The following COL4A4 variants were observed in gnomAD, a reference collection of about 807,000 sequenced individuals.
COL4A4 encodes the protein collagen type IV alpha 4 chain, also known as collagen alpha-4(IV) chain.
Under a neutral mutation model 192.9 loss-of-function variants are expected in COL4A4, and 105 were observed. The observed-to-expected ratio is 0.54, with a 90% confidence interval of 0.46 to 0.64. COL4A4 has a LOEUF of 0.64. COL4A4 is among the 30% of genes least tolerant of loss of function. COL4A4 has a pLI of 0.00. For missense variants in COL4A4, 1,967 were observed against 2,169.3 expected (o/e 0.91, Z 1.85); for synonymous variants, 762 against 769.9 (o/e 0.99, Z 0.17).
intron 25 of COL4A4, among the ~76,000 whole-genome samples, chr2:227,072,032 A>T (rs2058750878): frequency 6.6e-6 from 1 of 152,106 alleles, no homozygotes; most frequent in African/African-American, 2.4e-5. Flanking sequence ...TAGAAGAAGA[A>T]ATAACAAAGA....
intron 45 of COL4A4, among the ~76,000 whole-genome samples, chr2:227,011,341 G>T (rs771466207): frequency 6.6e-6 from 1 of 152,178 alleles, no homozygotes; most frequent in Non-Finnish European, 1.5e-5. Flanking sequence ...ACTGAATCAG[G>T]CCTGCTCGTG....
rs777095266 is a variant in COL4A4 at position 227,010,450 on chromosome 2, T to C, written c.4385A>G (p.Tyr1462Cys). 6.2e-7 allele frequency: 1 copy of C among 1,612,532 alleles called. No individual in the cohort carries two copies. The highest frequency in any genetic ancestry group is 8.5e-7 in the Non-Finnish European group (1 of 1,179,098). The part of the protein sequence containing the change: ...DPGPKGFGPG[Y>C]LGGFLLVLHS... ...GAGAACCAGGAGGAAGCCACCGAGG[T>C]ATCCAGGGCCAAACCCTTTGGGCCC... Residue 1462 changes from tyrosine to cysteine, a missense_variant, in exon 46 of 48, where the codon TAC becomes TGC. By Grantham distance (194) the Tyr-to-Cys change is radical. Transcript: ENST00000396625.
chr2:227,153,043 A>G (rs968062440), intron 1 of COL4A4, among the ~76,000 whole-genome samples: 8 of 152,212 alleles, frequency 5.3e-5, no homozygotes, highest in Non-Finnish European at 1.2e-4. Context: ...GAGCAAAGTT[A>G]TATCTTACAT....
chr2:227,028,082 A>G (rs1220052471), intron 41 of COL4A4, 73 bp from the exon 42 acceptor site: 1 of 1,066,998 alleles, frequency 9.4e-7, no homozygotes, highest in Non-Finnish European at 1.4e-6. Context: ...AGTTTGATAG[A>G]CTGAATTCAG....
Position 227,010,392 on chromosome 2 carries a change from G to C in COL4A4, c.4443C>G (p.Pro1481=), listed in dbSNP as rs759470234. 1 of 1,614,232 alleles carries C rather than the reference G, an allele frequency of 6.2e-7. No homozygotes were observed. Among genetic ancestry groups the C allele is most frequent in the East Asian group, 2.2e-5 (1 of 44,874 alleles). ...CAGTCCAGAGCCTGGGCATGCCCAG[G>C]GGGCAGGTGGGCTCCTGGTCCGTCT... is the stretch of plus-strand genomic sequence containing the variant. ...HSQTDQEPTC[P]LGMPRLWTGY... Residue 1481 remains proline (P), a synonymous_variant, in exon 46 of 48, where the codon CCC becomes CCG. Transcript: ENST00000396625.
rs139638492 is a variant in COL4A4 at position 227,144,859 on chromosome 2, G to A, written c.72-301C>T. Among the ~76,000 whole-genome samples the A allele has an allele frequency of 2.1e-4, 32 of 152,242 alleles. 1 individual carries two copies. Among genetic ancestry groups the A allele is most frequent in the African/African-American group, 7.7e-4 (32 of 41,544 alleles). ...CTGGAGGGACAGATGAGTGAAAGAA[G>A]ATGATTCTCAGAATGAAAACTGCAG... On this transcript the variant is annotated intron_variant, in intron 2 of 47. Transcript: ENST00000396625.
chr2:226,994,246 C>A, the COL4A4 span, among the ~76,000 whole-genome samples: 138 of 152,340 alleles, frequency 9.1e-4, no homozygotes, highest in African/African-American at 3.2e-3. Flanking sequence ...GTGTTCAGAA[C>A]TGTCCCAGAT....
At chr2:227,089,075 A>T (rs1406202961) in intron 21 of COL4A4, among the ~76,000 whole-genome samples, 1 of 152,144 alleles carries the variant, frequency 6.6e-6, no homozygotes, top group African/African-American at 2.4e-5. Context: ...TATCCTGACA[A>T]ATTCTAGGGA....
chr2:227,154,402 G>A (rs779826600), intron 1 of COL4A4, among the ~76,000 whole-genome samples: 9 of 152,178 alleles, frequency 5.9e-5, no homozygotes, highest in Non-Finnish European at 1.3e-4. Context: ...AATGGGGGAG[G>A]AGAAATGTCT....
the COL4A4 span, among the ~76,000 whole-genome samples, chr2:226,971,557 A>G: frequency 4.6e-5 from 7 of 152,354 alleles, no homozygotes; most frequent in Admixed American, 1.3e-4. Context: ...TGAAGCAGCA[A>G]TAGCCACTTT....
At chr2:227,127,039 C>A (rs543259682) in intron 4 of COL4A4, among the ~76,000 whole-genome samples, 1 of 152,302 alleles carries the variant, frequency 6.6e-6, no homozygotes, top group Admixed American at 6.5e-5. Flanking sequence ...AAATATTTCA[C>A]CCAGTCCTAA....
intron 1 of COL4A4, among the ~76,000 whole-genome samples, chr2:227,151,163 T>C (rs1293866751): frequency 1.3e-5 from 2 of 152,102 alleles, no homozygotes; most frequent in African/African-American, 4.8e-5. Context: ...CCCCCACATA[T>C]ATCCTAATGC....
Position 227,099,661 on chromosome 2 carries a change from C to T in COL4A4, c.1058G>A (p.Gly353Glu). The change falls in exon 18 of 48, where the codon GGA (glycine) becomes GAA (glutamate). Residue 353 changes from glycine (G) to glutamate (E), a missense_variant. Gly to Glu is a moderately conservative substitution (Grantham distance 98). Coordinates refer to ENST00000396625, the MANE Select transcript of COL4A4 (RefSeq NM_000092.5). ...TGGAGTCACCAAAACACCTGGTGGT[C>T]CTGGGTGCCCTCGATTTCCAGGATC... is the stretch of plus-strand genomic sequence containing the variant. Reference protein sequence around the residue: ...KGDPGNRGHPGPPGVLVTPPL... With the variant: ...KGDPGNRGHPEPPGVLVTPPL... 1.2e-6 allele frequency: 2 copies of T among 1,614,106 alleles called. No homozygotes were observed. Among genetic ancestry groups the T allele is most frequent in the Non-Finnish European group, 8.5e-7 (1 of 1,180,002 alleles).
At chr2:226,988,357 G>A in the COL4A4 span, 1 of 1,550,164 alleles carries the variant, frequency 6.5e-7, no homozygotes. Flanking sequence ...AAGAGACAAT[G>A]GCAAGTCTCC....
At chr2:226,974,005 C>T in the COL4A4 span, among the ~76,000 whole-genome samples, 1 of 152,136 alleles carries the variant, frequency 6.6e-6, no homozygotes, top group African/African-American at 2.4e-5. Context: ...GCCCAGTGCC[C>T]CTCACCGCCT....
chr2:226,988,615 C>T, the COL4A4 span: 867 of 1,348,426 alleles, frequency 6.4e-4, 8 homozygotes, highest in Admixed American at 3.9e-4. Context: ...GCTGCCCCTC[C>T]GAGCAGACAC....
At chr2:227,025,984 A>T (rs1966846774) in intron 42 of COL4A4, among the ~76,000 whole-genome samples, 174 bp from the exon 43 acceptor site, 1 of 152,120 alleles carries the variant, frequency 6.6e-6, no homozygotes. Context: ...TAAAATGTCC[A>T]CATCAATGTG....
chr2:227,021,817 T>C (rs1216832978), intron 44 of COL4A4, among the ~76,000 whole-genome samples: 3 of 145,346 alleles, frequency 2.1e-5, no homozygotes, highest in Non-Finnish European at 4.5e-5. Context: ...AGAGCAAGAC[T>C]CCATCTCAAA....
intron 25 of COL4A4, among the ~76,000 whole-genome samples, chr2:227,073,982 T>G (rs894934980): frequency 6.6e-6 from 1 of 152,012 alleles, no homozygotes; most frequent in African/African-American, 2.4e-5. Context: ...ATATAGATAT[T>G]GGCCTCAGCA....
Sources: gnomAD v4.1 joint callset for allele counts (sites outside exome capture counted in the v4.1 genomes callset) on GRCh38, gnomAD v4.1.1 for gene constraint, MANE v1.5 for transcripts, NCBI Gene and HGNC (gene_info 2026-07-23, HGNC 2026-07-21) for gene names.